The following ATP11B variants were observed in gnomAD, a reference collection of about 807,000 sequenced individuals.
ATP11B encodes the protein ATPase phospholipid transporting 11B (putative).
A neutral mutation model predicts 157.8 loss-of-function variants in ATP11B; 81 were observed. The ratio of observed to expected loss-of-function variants is 0.51; its 90% CI spans 0.43 to 0.62. The LOEUF (loss-of-function observed/expected upper bound fraction) is 0.62. Ranked by LOEUF, ATP11B falls within the 20% of genes least tolerant of loss-of-function variation. ATP11B has a pLI of 0.00. For synonymous variants in ATP11B, 451 were observed against 469.4 expected, an observed-to-expected ratio of 0.96 and a Z score of 0.51; for missense variants, 1,165 against 1,402.2, an observed-to-expected ratio of 0.83 and a Z score of 2.70.
At chr3:182,805,625 CTT>C (rs71183648) in intron 1 of ATP11B, among the ~76,000 whole-genome samples, 12 of 140,222 alleles carry the variant, frequency 8.6e-5, no homozygotes, top group Non-Finnish European at 6.1e-5. Flanking sequence ...CAGCTAATTT[CTT>C]TTTTTTTTTT....
intron 19 of ATP11B, among the ~76,000 whole-genome samples, chr3:182,875,088 G>A (rs1203706060): frequency 6.6e-6 from 1 of 151,966 alleles, no homozygotes; most frequent in African/African-American, 2.4e-5. Context: ...TCTTTTATAG[G>A]CATATCAAAT....
intron 28 of ATP11B, among the ~76,000 whole-genome samples, chr3:182,907,813 T>G (rs1222964751): frequency 6.6e-6 from 1 of 152,194 alleles, no homozygotes; most frequent in Non-Finnish European, 1.5e-5. Flanking sequence ...TAGTGGATAT[T>G]TCATATGATG....
chr3:182,836,647 A>G (rs1302355821), intron 6 of ATP11B, 177 bp downstream of exon 6: 1 of 698,692 alleles, frequency 1.4e-6, no homozygotes, highest in East Asian at 2.9e-5. Context: ...CTTTATTTCA[A>G]GGGTAGCCTC....
At chr3:182,912,051 C>G (rs1724831652) in intron 28 of ATP11B, among the ~76,000 whole-genome samples, 1 of 152,084 alleles carries the variant, frequency 6.6e-6, no homozygotes, top group Non-Finnish European at 1.5e-5. Context: ...CTGTAAAGGG[C>G]CTTCAAGGCT....
At chr3:182,823,340 C>T (rs1359958582) in intron 2 of ATP11B, among the ~76,000 whole-genome samples, 4 of 152,146 alleles carry the variant, frequency 2.6e-5, no homozygotes, top group Admixed American at 6.5e-5. Context: ...TATGGCTAGC[C>T]GGTTTTCCCA....
intron 28 of ATP11B, among the ~76,000 whole-genome samples, chr3:182,902,134 T>TA (rs1724010491): frequency 6.6e-6 from 1 of 152,226 alleles, no homozygotes; most frequent in African/African-American, 2.4e-5. Flanking sequence ...TAGCTTTATG[T>TA]CATTCCTGAT....
At chr3:182,905,313 T>C (rs1453349206) in intron 28 of ATP11B, among the ~76,000 whole-genome samples, 1 of 152,232 alleles carries the variant, frequency 6.6e-6, no homozygotes, top group East Asian at 1.9e-4. Flanking sequence ...ATTAAAAATC[T>C]GTTTCAAATT....
chr3:182,916,560 T>C (rs1725154646), intron 29 of ATP11B: 1 of 985,234 alleles, frequency 1.0e-6, no homozygotes, highest in Non-Finnish European at 1.2e-6. Flanking sequence ...AAGAGCTGGA[T>C]TTTAGCAATA....
At chr3:182,835,394 T>C (rs1031480897) in intron 4 of ATP11B, among the ~76,000 whole-genome samples, 7 of 152,222 alleles carry the variant, frequency 4.6e-5, no homozygotes, top group South Asian at 2.1e-4. Flanking sequence ...TAAAATATCA[T>C]TTGTACATAG....
At chr3:182,913,058 G>C (rs570644670) in intron 28 of ATP11B, among the ~76,000 whole-genome samples, 8 of 152,136 alleles carry the variant, frequency 5.3e-5, no homozygotes, top group African/African-American at 1.7e-4. Context: ...AAATTATCTT[G>C]CTGGGCTATT....
At chr3:182,886,128 C>G in intron 23 of ATP11B, 118 bp downstream of exon 23, 1 of 544,146 alleles carries the variant, frequency 1.8e-6, no homozygotes. Flanking sequence ...TGCAGGGAAC[C>G]AGACAGAACT....
At chr3:182,803,070 A>G (rs997793696) in intron 1 of ATP11B, among the ~76,000 whole-genome samples, 1 of 152,256 alleles carries the variant, frequency 6.6e-6, no homozygotes, top group Admixed American at 6.5e-5. Flanking sequence ...TACAATGACT[A>G]TTATTGTTTA....
chr3:182,866,927 A>ACC (rs1721282739), intron 14 of ATP11B, among the ~76,000 whole-genome samples: 1 of 91,450 alleles, frequency 1.1e-5, no homozygotes, highest in South Asian at 4.1e-4. Context: ...TAAAATATAT[A>ACC]TATATTTTTT....
rs113963796 is a variant in ATP11B at position 182,859,228 on chromosome 3, T to G, written c.1069T>G (p.Leu357Val). The stretch of plus-strand genomic sequence containing the variant: ...CTACAATTTCATCATTCCAATTTCA[T>G]TATATGTGACAGTCGAAATGCAGAA... Reference protein sequence around the residue: ...VLYNFIIPISLYVTVEMQKFL... With the variant: ...VLYNFIIPISVYVTVEMQKFL... The change falls in exon 12 of 30, where the codon TTA (leucine) becomes GTA (valine). Residue 357 changes from leucine (L) to valine (V), a missense_variant. Coordinates refer to ENST00000323116, the MANE Select transcript of ATP11B (RefSeq NM_014616.3). The G allele has an allele frequency of 6.2e-7, 1 of 1,612,886 alleles. No individual in the cohort carries two copies. The highest frequency in any genetic ancestry group is 1.7e-4 in the Middle Eastern group (1 of 6,040).
At chr3:182,862,362 G>A (rs1720908419) in intron 12 of ATP11B, among the ~76,000 whole-genome samples, 1 of 152,090 alleles carries the variant, frequency 6.6e-6, no homozygotes, top group African/African-American at 2.4e-5. Context: ...TTAAGGTAAT[G>A]AGCTGACAGG....
rs1722902767 is a variant in ATP11B, at chr3:182,887,841, G to A, written c.2843+128G>A. On this transcript the variant is annotated intron_variant, in intron 24 of 29. Coordinates refer to ENST00000323116, the MANE Select transcript of ATP11B (RefSeq NM_014616.3). Reference sequence around the variant, plus strand: ...TTTAGTTGTCGTATGATTTACAGTTGTTGAATATCAGAGAAAAAAAGGTTT... The same window carrying A: ...TTTAGTTGTCGTATGATTTACAGTTATTGAATATCAGAGAAAAAAAGGTTT... The A allele has an allele frequency of 6.1e-6, 6 of 979,970 alleles. No individual in the cohort carries two copies. In the East Asian group the frequency reaches 1.1e-4, roughly 19 times the overall value. 60.7% of individuals were successfully genotyped at this position (979,970 alleles called of 1,614,324 possible).
At chr3:182,820,502 A>C in intron 2 of ATP11B, 126 bp downstream of exon 2, 1 of 654,688 alleles carries the variant, frequency 1.5e-6, no homozygotes, top group Non-Finnish European at 2.7e-6. Flanking sequence ...TGGGCAACAT[A>C]ATGAGACCTT....
chr3:182,818,645 C>T (rs1421476216), intron 1 of ATP11B, among the ~76,000 whole-genome samples: 1 of 152,080 alleles, frequency 6.6e-6, no homozygotes, highest in African/African-American at 2.4e-5. Context: ...AGTTGAATAC[C>T]GTACATAACA....
At chr3:182,801,731 C>G (rs1716026488) in intron 1 of ATP11B, among the ~76,000 whole-genome samples, 2 of 152,274 alleles carry the variant, frequency 1.3e-5, no homozygotes, top group South Asian at 2.1e-4. Context: ...CTTCCATTCT[C>G]AAATTCTTAT....
Sources: allele counts gnomAD v4.1 joint callset (sites outside exome capture counted in the v4.1 genomes callset), GRCh38; gene constraint gnomAD v4.1.1; transcripts MANE v1.5; gene names NCBI Gene and HGNC (gene_info 2026-07-23, HGNC 2026-07-21).